ATP8A2: variants seen among roughly 807,000 people sequenced by gnomAD.
ATP8A2 encodes ATPase phospholipid transporting 8A2.
Under a neutral mutation model 165.6 loss-of-function variants are expected in ATP8A2, and 100 were observed. The ratio of observed to expected loss-of-function variants is 0.60; its 90% CI spans 0.51 to 0.71. ATP8A2 has a LOEUF of 0.71. Ranked by LOEUF, ATP8A2 falls within the 30% of genes least tolerant of loss-of-function variation. The pLI, the probability that ATP8A2 is intolerant of heterozygous loss-of-function variation, is 0.00. For synonymous variants in ATP8A2, 543 were observed against 548.8 expected (o/e 0.99, Z 0.15); for missense variants, 1,227 against 1,479.5 (o/e 0.83, Z 2.80).
intron 7 of ATP8A2, among the ~76,000 whole-genome samples, chr13:25,539,544 T>A (rs970678987): frequency 2.0e-5 from 3 of 152,114 alleles, no homozygotes; most frequent in Non-Finnish European, 4.4e-5. Flanking sequence ...TCCCACTTAA[T>A]CTTCCCAATA....
At chr13:25,492,752 C>T (rs772570429) in intron 2 of ATP8A2, among the ~76,000 whole-genome samples, 1 of 152,186 alleles carries the variant, frequency 6.6e-6, no homozygotes, top group Admixed American at 6.5e-5. Context: ...GTGCTCTGAT[C>T]GTGGTGGGGA....
chr13:25,932,008 A>G (rs1463413658), intron 33 of ATP8A2, among the ~76,000 whole-genome samples: 2 of 150,812 alleles, frequency 1.3e-5, no homozygotes, highest in Non-Finnish European at 2.9e-5. Flanking sequence ...AGATCACGCC[A>G]TTGGACTCCA....
In ATP8A2 at chr13:25,986,224, A is replaced by G. The variant is rs1032795701; in HGVS notation, c.3377+17545A>G. 3.3e-5 allele frequency among the ~76,000 whole-genome samples: 5 copies of G among 152,330 alleles called. No homozygotes were observed. In the East Asian group the frequency reaches 9.7e-4, roughly 29 times the overall value. ...CAGTTACCCTTGTGTGTGTGGTGAG[A>G]ACACTGAAGATCTACTCTCAGCACA... On this transcript the variant is annotated intron_variant, in intron 35 of 36. Transcript: ENST00000381655.
intron 5 of ATP8A2, among the ~76,000 whole-genome samples, 169 bp from the exon 6 acceptor site, chr13:25,533,104 C>T (rs997496653): frequency 3.3e-5 from 5 of 151,958 alleles, no homozygotes; most frequent in East Asian, 1.9e-4. Flanking sequence ...ACATACCATA[C>T]GTTGGTGTTC....
At chr13:25,442,591 T>A (rs2034961792) in intron 1 of ATP8A2, among the ~76,000 whole-genome samples, 1 of 151,964 alleles carries the variant, frequency 6.6e-6, no homozygotes, top group African/African-American at 2.4e-5. Flanking sequence ...TTAAAATAAT[T>A]TTTTTGTAGA....
intron 30 of ATP8A2, among the ~76,000 whole-genome samples, chr13:25,843,396 A>G (rs977504347): frequency 2.0e-5 from 3 of 152,142 alleles, no homozygotes; most frequent in Non-Finnish European, 4.4e-5. Flanking sequence ...CCCCCGCCCA[A>G]TTCATATGTC....
In ATP8A2 at chr13:25,372,369, G is replaced by T; in HGVS notation, c.76+81G>T. The T allele has an allele frequency of 9.8e-7, 1 of 1,017,862 alleles. No individual in the cohort carries two copies. The allele number at this position is 1,017,862 out of a possible 1,614,324, so 63.1% of individuals were successfully genotyped here. On this transcript the variant is annotated intron_variant, in intron 1 of 36. Transcript: ENST00000381655. The surrounding 1 kb of genome is among the most constrained non-coding windows in gnomAD (Gnocchi z 4.8). ...GGCGCGCCTGCGGTTATGCGACACT[G>T]CCCCGCCCGCGCCCCGCTCCCCTCC...
chr13:25,889,097 A>G (rs1953264990), intron 33 of ATP8A2, among the ~76,000 whole-genome samples: 1 of 151,894 alleles, frequency 6.6e-6, no homozygotes. Context: ...AAAAGATTTC[A>G]ATGTTATTTC....
Position 25,953,281 on chromosome 13 carries a change from T to C in ATP8A2, c.3184-8294T>C, listed in dbSNP as rs1292537500. On this transcript the variant is annotated intron_variant, in intron 33 of 36. Coordinates refer to ENST00000381655, the MANE Select transcript of ATP8A2 (RefSeq NM_016529.6). This position sits in a 1 kb window ranked among gnomAD's most constrained non-coding sequence, Gnocchi z 6.7. ...CCAGCATCTTGAGGACTCAACTCTCTGGCTGCAGGTGCTGTGGGGAAGGGG... is the reference window on the plus strand; with the variant it reads ...CCAGCATCTTGAGGACTCAACTCTCCGGCTGCAGGTGCTGTGGGGAAGGGG... Among the ~76,000 whole-genome samples, 1 of 152,032 alleles carries C rather than the reference T, an allele frequency of 6.6e-6. No individual in the cohort carries two copies. Among genetic ancestry groups the C allele is most frequent in the East Asian group, 1.9e-4 (1 of 5,168 alleles).
At chr13:25,739,224 G>A (rs1190806255) in intron 25 of ATP8A2, among the ~76,000 whole-genome samples, 3 of 152,208 alleles carry the variant, frequency 2.0e-5, no homozygotes, top group Non-Finnish European at 4.4e-5. Flanking sequence ...AGGGCCCAGG[G>A]CACCTTGGCG....
At position 25,461,848 on chromosome 13, in the gene ATP8A2, G is replaced by GAAT. The variant is rs2035511985; in HGVS notation, c.77-7127_77-7126insTAA. 3.7e-5 allele frequency among the ~76,000 whole-genome samples: 4 copies of GAAT among 108,882 alleles called. No individual in the cohort carries two copies. In the South Asian group the frequency reaches 1.5e-3, roughly 42 times the overall value. 71.4% of individuals were successfully genotyped at this position (108,882 alleles called of 152,430 possible). ...GTGTGAGGAAGAAGAAGAAGGAGAA[G>GAAT]AAGAAGGAGGAGGAGGAGGAGGAGG... is the stretch of plus-strand genomic sequence containing the variant. On this transcript the variant is annotated intron_variant, in intron 1 of 36. Transcript: ENST00000381655.
chr13:25,859,711 AC>A (rs765011329), intron 30 of ATP8A2, among the ~76,000 whole-genome samples: 1 of 151,972 alleles, frequency 6.6e-6, no homozygotes, highest in East Asian at 1.9e-4. Flanking sequence ...AGTAATAAAT[AC>A]CCCCAAAATT....
chr13:25,906,567 G>C (rs772884931), intron 33 of ATP8A2, among the ~76,000 whole-genome samples: 1 of 151,706 alleles, frequency 6.6e-6, no homozygotes, highest in Non-Finnish European at 1.5e-5. Context: ...TGTATGAAAC[G>C]CTCCCCCGCC....
chr13:25,445,389 C>T (rs544303523), intron 1 of ATP8A2, among the ~76,000 whole-genome samples: 6 of 152,154 alleles, frequency 3.9e-5, no homozygotes, highest in African/African-American at 1.2e-4. Context: ...GCGTTCTCTT[C>T]GGAAATTACT....
At chr13:25,609,880 G>A (rs1044279718) in intron 24 of ATP8A2, among the ~76,000 whole-genome samples, 43 of 151,538 alleles carry the variant, frequency 2.8e-4, no homozygotes, top group African/African-American at 9.9e-4. Context: ...GTGATGTTGA[G>A]CATTTTTTCA....
chr13:25,869,454 G>C (rs1240156141), intron 33 of ATP8A2, among the ~76,000 whole-genome samples: 1 of 152,170 alleles, frequency 6.6e-6, no homozygotes, highest in African/African-American at 2.4e-5. Flanking sequence ...TTCTTATTTA[G>C]TGCAAATTGT....
At chr13:25,897,292 A>T (rs1953585592) in intron 33 of ATP8A2, among the ~76,000 whole-genome samples, 1 of 152,210 alleles carries the variant, frequency 6.6e-6, no homozygotes, top group South Asian at 2.1e-4. Context: ...TCACTTACGA[A>T]GCTTAGTTTG....
chr13:25,919,821 G>A (rs116416503), intron 33 of ATP8A2, among the ~76,000 whole-genome samples: 2,178 of 152,112 alleles, frequency 0.014, 38 homozygotes, highest in African/African-American at 0.039. Context: ...GCTGGAGTGC[G>A]GTGGTGCTGT....
chr13:25,672,527 G>C (rs929623553), intron 24 of ATP8A2, among the ~76,000 whole-genome samples: 1 of 152,132 alleles, frequency 6.6e-6, no homozygotes, highest in Non-Finnish European at 1.5e-5. Flanking sequence ...TAAGGAATTG[G>C]TTTTTCAAAT....
Sources: allele counts gnomAD v4.1 joint callset (sites outside exome capture counted in the v4.1 genomes callset), GRCh38; gene constraint gnomAD v4.1.1; non-coding constraint Gnocchi (gnomAD v3.1); transcripts MANE v1.5; gene names NCBI Gene and HGNC (gene_info 2026-07-23, HGNC 2026-07-21).